PDZRN4: variants seen among roughly 807,000 people sequenced by gnomAD.
PDZRN4 encodes the protein PDZ domain containing ring finger 4.
Under a neutral mutation model 99.0 loss-of-function variants are expected in PDZRN4, and 70 were observed. The observed-to-expected ratio is 0.71, with a 90% CI of 0.58 to 0.86. The LOEUF is 0.86. Among genes scored for constraint, PDZRN4 ranks in the 40% least tolerant of loss-of-function variants. The pLI is 0.00. For missense variants in PDZRN4, 1,474 were observed against 1,331.2 expected (o/e 1.11, Z -1.67); for synonymous variants, 551 against 501.6 (o/e 1.10, Z -1.32).
intron 3 of PDZRN4, among the ~76,000 whole-genome samples, chr12:41,404,174 T>C (rs2120358304): frequency 6.6e-6 from 1 of 152,302 alleles, no homozygotes; most frequent in Non-Finnish European, 1.5e-5. Context: ...TTTTGTATTG[T>C]TATTTTTTCA....
At chr12:41,381,969 G>T (rs1952130661) in intron 3 of PDZRN4, among the ~76,000 whole-genome samples, 1 of 152,144 alleles carries the variant, frequency 6.6e-6, no homozygotes. Flanking sequence ...TTATTTGGTA[G>T]GGCCACCGTC....
intron 3 of PDZRN4, among the ~76,000 whole-genome samples, chr12:41,444,657 A>T (rs1449652647): frequency 6.6e-6 from 1 of 152,152 alleles, no homozygotes; most frequent in East Asian, 1.9e-4. Flanking sequence ...ATTGTCAAAA[A>T]TGAAGTTACT....
At chr12:41,542,048 CAAG>C (rs1427878316) in intron 5 of PDZRN4, among the ~76,000 whole-genome samples, 1 of 152,176 alleles carries the variant, frequency 6.6e-6, no homozygotes, top group Non-Finnish European at 1.5e-5. Flanking sequence ...CAGATGTAAC[CAAG>C]AAGTACAATC....
At chr12:41,413,246 T>G (rs1311160513) in intron 3 of PDZRN4, among the ~76,000 whole-genome samples, 1 of 152,204 alleles carries the variant, frequency 6.6e-6, no homozygotes, top group Non-Finnish European at 1.5e-5. Flanking sequence ...GACATGATAT[T>G]GAGTGAAATA....
intron 3 of PDZRN4, among the ~76,000 whole-genome samples, chr12:41,252,041 A>G (rs903072213): frequency 5.9e-5 from 9 of 152,232 alleles, no homozygotes; most frequent in African/African-American, 2.2e-4. Flanking sequence ...GATTGAGCCC[A>G]GGAGATAGAG....
chr12:41,308,040 T>C (rs997831734), intron 3 of PDZRN4, among the ~76,000 whole-genome samples: 4 of 152,136 alleles, frequency 2.6e-5, no homozygotes, highest in African/African-American at 9.7e-5. Context: ...TCCATAACCA[T>C]AGCCCTTCAA....
At chr12:41,365,430 A>C (rs1416343398) in intron 3 of PDZRN4, among the ~76,000 whole-genome samples, 2 of 152,070 alleles carry the variant, frequency 1.3e-5, no homozygotes, top group Non-Finnish European at 2.9e-5. Context: ...ACATGATTGC[A>C]AAAGACTCCC....
In PDZRN4 at chr12:41,573,008, G is replaced by C; in HGVS notation, c.2229G>C (p.Glu743Asp). ...GTTCTAGTGCTTACAACACAGCTGA[G>C]AGCTGCAGAAGTACTCCGCTCACTG... is the stretch of plus-strand genomic sequence containing the variant. ...KDSSSAYNTA[E>D]SCRSTPLTVD... Residue 743 changes from glutamate (E) to aspartate (D), a missense_variant, in exon 10 of 10, where the codon GAG (glutamate) becomes GAC (aspartate). Glu to Asp is a conservative substitution (Grantham distance 45). Transcript: ENST00000402685. 6.2e-7 allele frequency: 1 copy of C among 1,614,128 alleles called. No homozygotes were observed.
intron 3 of PDZRN4, among the ~76,000 whole-genome samples, chr12:41,390,242 G>C (rs1050179776): frequency 6.6e-6 from 1 of 152,064 alleles, no homozygotes; most frequent in African/African-American, 2.4e-5. Context: ...AGAGTTGCTA[G>C]GGTGTTATTT....
At chr12:41,190,435 T>C (rs1487063482) in intron 1 of PDZRN4, among the ~76,000 whole-genome samples, 1 of 152,138 alleles carries the variant, frequency 6.6e-6, no homozygotes, top group African/African-American at 2.4e-5. Context: ...TTCAAGGTCG[T>C]AGGAAACCAA....
chr12:41,514,405 A>T (rs1394075150), intron 5 of PDZRN4, among the ~76,000 whole-genome samples: 1 of 152,094 alleles, frequency 6.6e-6, no homozygotes, highest in Non-Finnish European at 1.5e-5. Flanking sequence ...GAGAATCATG[A>T]ATCAGGGAAA....
At chr12:41,210,356 A>G (rs2120693496) in intron 3 of PDZRN4, among the ~76,000 whole-genome samples, 1 of 152,076 alleles carries the variant, frequency 6.6e-6, no homozygotes, top group African/African-American at 2.4e-5. Flanking sequence ...GTTTAATTAG[A>G]TCCCATTTGT....
intron 3 of PDZRN4, among the ~76,000 whole-genome samples, chr12:41,378,316 C>T (rs1176943650): frequency 6.6e-6 from 1 of 151,992 alleles, no homozygotes; most frequent in South Asian, 2.1e-4. Flanking sequence ...CCTTACATTC[C>T]AGGGATAAAT....
At chr12:41,351,215 G>A (rs1486811079) in intron 3 of PDZRN4, among the ~76,000 whole-genome samples, 1 of 152,086 alleles carries the variant, frequency 6.6e-6, no homozygotes, top group Non-Finnish European at 1.5e-5. Flanking sequence ...CATGATGTCA[G>A]AAATTCCAGA....
intron 3 of PDZRN4, among the ~76,000 whole-genome samples, chr12:41,258,685 A>C (rs1458715677): frequency 6.6e-6 from 1 of 152,144 alleles, no homozygotes; most frequent in South Asian, 2.1e-4. Context: ...CTTGTACACT[A>C]TTCTAGTGCT....
chr12:41,417,116 C>T (rs1245645886), intron 3 of PDZRN4, among the ~76,000 whole-genome samples: 1 of 152,070 alleles, frequency 6.6e-6, no homozygotes, highest in African/African-American at 2.4e-5. Flanking sequence ...GTTATGATTT[C>T]CTGATATTCT....
intron 3 of PDZRN4, among the ~76,000 whole-genome samples, chr12:41,270,217 A>G (rs113807407): frequency 0.015 from 2,246 of 151,940 alleles, 58 homozygotes; most frequent in African/African-American, 0.052. Context: ...ATTTTACTCA[A>G]TTAACTCTGC....
At chr12:41,191,635 C>G (rs74761741) in intron 2 of PDZRN4, 91 bp downstream of exon 2, 14,007 of 606,296 alleles carry the variant, frequency 0.023, 271 homozygotes, top group East Asian at 0.07. Context: ...GAGGACTTAG[C>G]TTTTGTTTGT....
intron 3 of PDZRN4, among the ~76,000 whole-genome samples, chr12:41,344,219 A>C (rs1951837352): frequency 6.6e-6 from 1 of 152,062 alleles, no homozygotes; most frequent in African/African-American, 2.4e-5. Flanking sequence ...GACCTCATTA[A>C]ATTTTTTTTC....
Sources: gnomAD v4.1 joint callset for allele counts (sites outside exome capture counted in the v4.1 genomes callset) on GRCh38, gnomAD v4.1.1 for gene constraint, MANE v1.5 for transcripts, NCBI Gene and HGNC (gene_info 2026-07-23, HGNC 2026-07-21) for gene names.